Variants in CHRM3 observed in about 807,000 individuals in gnomAD.
CHRM3 encodes the protein cholinergic receptor muscarinic 3.
A neutral mutation model predicts 41.8 loss-of-function variants in CHRM3; 11 were observed. The observed-to-expected ratio is 0.26, with a 90% CI of 0.17 to 0.44. The LOEUF (loss-of-function observed/expected upper bound fraction) is 0.44. CHRM3 is among the 20% of genes least tolerant of loss of function. CHRM3 has a pLI of 1.00. For missense variants in CHRM3, 571 were observed against 745.4 expected (o/e 0.77, Z 2.72); for synonymous variants, 297 against 301.4 (o/e 0.99, Z 0.15).
intron 5 of CHRM3, among the ~76,000 whole-genome samples, chr1:239,697,309 G>A (rs889374004): frequency 6.6e-6 from 1 of 152,102 alleles, no homozygotes; most frequent in Non-Finnish European, 1.5e-5. Flanking sequence ...CCCCGCACAA[G>A]CTCTCTCTTT....
intron 5 of CHRM3, among the ~76,000 whole-genome samples, chr1:239,684,580 A>G (rs1658891110): frequency 6.6e-6 from 1 of 150,902 alleles, no homozygotes; most frequent in East Asian, 2.0e-4. Context: ...GAACCTGAGA[A>G]GCAGAGGTTG....
chr1:239,495,113 A>G (rs955708700), intron 2 of CHRM3, among the ~76,000 whole-genome samples: 1 of 152,152 alleles, frequency 6.6e-6, no homozygotes, highest in Admixed American at 6.6e-5. Flanking sequence ...ATTCCAATGG[A>G]TAATGAAATT....
chr1:239,733,164 GT>G (rs1558495665), intron 5 of CHRM3, among the ~76,000 whole-genome samples: 1 of 151,982 alleles, frequency 6.6e-6, no homozygotes, highest in African/African-American at 2.4e-5. Context: ...TTGACTAAAT[GT>G]TCCCTGAGCT....
intron 6 of CHRM3, among the ~76,000 whole-genome samples, chr1:239,897,310 T>TG (rs1679091535): frequency 6.6e-6 from 1 of 151,960 alleles, no homozygotes; most frequent in Admixed American, 6.5e-5. Context: ...AATATGGACC[T>TG]GGAAAAAAAA....
Position 239,724,833 on chromosome 1 carries a change from T to G in CHRM3, c.-147+46545T>G, listed in dbSNP as rs565134035. Among the ~76,000 whole-genome samples, 425 of 151,998 alleles carry G rather than the reference T, an allele frequency of 2.8e-3. 4 individuals are homozygous for G. Among genetic ancestry groups the G allele is most frequent in the Non-Finnish European group, 5.1e-3 (344 of 67,868 alleles). On this transcript the variant is annotated intron_variant, in intron 5 of 6. Transcript: ENST00000676153. ...TCCCTGGCCCCCACATCTAATCAAC[T>G]ACCAAGGCCTTATGGTTTTACCATC...
intron 2 of CHRM3, among the ~76,000 whole-genome samples, chr1:239,544,069 A>G (rs956502842): frequency 2.0e-5 from 3 of 152,212 alleles, no homozygotes; most frequent in Non-Finnish European, 2.9e-5. Flanking sequence ...CAGGCTACAC[A>G]AAAACTGGCA....
At chr1:239,644,711 A>G (rs890370951) in intron 4 of CHRM3, among the ~76,000 whole-genome samples, 1 of 152,212 alleles carries the variant, frequency 6.6e-6, no homozygotes, top group Non-Finnish European at 1.5e-5. Flanking sequence ...ACTCATGTGC[A>G]TACAATCACC....
At chr1:239,613,707 C>T (rs1391237589) in intron 3 of CHRM3, among the ~76,000 whole-genome samples, 1 of 152,176 alleles carries the variant, frequency 6.6e-6, no homozygotes, top group Non-Finnish European at 1.5e-5. Flanking sequence ...GGCAGTCTTC[C>T]CTCTGCATGT....
At chr1:239,774,467 A>G (rs1297374339) in intron 5 of CHRM3, among the ~76,000 whole-genome samples, 1 of 152,220 alleles carries the variant, frequency 6.6e-6, no homozygotes, top group Non-Finnish European at 1.5e-5. Flanking sequence ...TTTTATAATC[A>G]GGAGGTAGAA....
intron 6 of CHRM3, among the ~76,000 whole-genome samples, chr1:239,852,344 T>G (rs1190489884): frequency 6.6e-6 from 1 of 152,168 alleles, no homozygotes; most frequent in Non-Finnish European, 1.5e-5. Context: ...CATTGTAACT[T>G]TAAGCTGTGT....
At chr1:239,906,986 C>T (rs112031744) in intron 6 of CHRM3, among the ~76,000 whole-genome samples, 7 of 152,048 alleles carry the variant, frequency 4.6e-5, no homozygotes, top group Admixed American at 2.0e-4. Flanking sequence ...CTTAAAGTTG[C>T]GTATTTCTGA....
intron 5 of CHRM3, among the ~76,000 whole-genome samples, chr1:239,723,927 C>A (rs1663203406): frequency 6.6e-6 from 1 of 151,886 alleles, no homozygotes. Flanking sequence ...ACTCCAGGGG[C>A]TTTCACCACA....
intron 1 of CHRM3, among the ~76,000 whole-genome samples, chr1:239,466,664 A>G (rs1006025644): frequency 6.6e-6 from 1 of 151,950 alleles, no homozygotes; most frequent in African/African-American, 2.4e-5. Context: ...GAGTCTTGCT[A>G]TGTTGTCCAG....
chr1:239,839,800 C>CT (rs1673633366), intron 6 of CHRM3, among the ~76,000 whole-genome samples: 1 of 109,338 alleles, frequency 9.1e-6, no homozygotes, highest in Non-Finnish European at 1.9e-5. Context: ...AGTGGCGGGG[C>CT]GGGGGGGGAG....
At chr1:239,515,403 GT>G (rs905560256) in intron 2 of CHRM3, among the ~76,000 whole-genome samples, 41 of 133,420 alleles carry the variant, frequency 3.1e-4, no homozygotes, top group African/African-American at 9.7e-4. Context: ...TTGTTCACAT[GT>G]TTTTTTTGTT....
intron 5 of CHRM3, among the ~76,000 whole-genome samples, chr1:239,803,981 G>A (rs1008609620): frequency 2.0e-5 from 3 of 152,196 alleles, no homozygotes; most frequent in African/African-American, 7.2e-5. Flanking sequence ...AGACTTGCAA[G>A]AATTGCCAAA....
At chr1:239,457,951 C>T (rs1358368246) in intron 1 of CHRM3, among the ~76,000 whole-genome samples, 1 of 151,960 alleles carries the variant, frequency 6.6e-6, no homozygotes, top group East Asian at 1.9e-4. Context: ...GAAGTTGTTT[C>T]TTATGGGAAG....
chr1:239,638,030 G>A (rs1436246401), intron 4 of CHRM3, among the ~76,000 whole-genome samples: 2 of 149,950 alleles, frequency 1.3e-5, no homozygotes, highest in African/African-American at 2.5e-5. Context: ...TTTTGTTCTT[G>A]CAATAGTTTA....
At chr1:239,524,182 A>T (rs1487962381) in intron 2 of CHRM3, among the ~76,000 whole-genome samples, 1 of 152,150 alleles carries the variant, frequency 6.6e-6, no homozygotes, top group Non-Finnish European at 1.5e-5. Context: ...ATATATATAT[A>T]TATGCACACA....
Sources: gnomAD v4.1 joint callset for allele counts (sites outside exome capture counted in the v4.1 genomes callset) on GRCh38, gnomAD v4.1.1 for gene constraint, MANE v1.5 for transcripts, NCBI Gene and HGNC (gene_info 2026-07-23, HGNC 2026-07-21) for gene names.